Variants in SCN11A observed in about 807,000 individuals in gnomAD.
The protein encoded by SCN11A is sodium channel protein type 11 subunit alpha.
A neutral mutation model predicts 162.2 loss-of-function variants in SCN11A; 122 were observed. That is an observed-to-expected ratio of 0.75 (90% CI 0.65 to 0.87). The LOEUF is 0.87. Ranked by LOEUF, SCN11A falls within the 40% of genes least tolerant of loss-of-function variation. The probability of loss-of-function intolerance (pLI) is 0.00; values close to 1 mark genes in which losing one functional copy is unlikely to be tolerated. For missense variants in SCN11A, 2,015 were observed against 2,181.6 expected, an observed-to-expected ratio of 0.92 and a Z score of 1.52; for synonymous variants, 758 against 751.5, an observed-to-expected ratio of 1.01 and a Z score of -0.14.
At chr3:39,001,195 A>G (rs901410848) in intron 2 of SCN11A, among the ~76,000 whole-genome samples, 3 of 152,180 alleles carry the variant, frequency 2.0e-5, no homozygotes, top group African/African-American at 4.8e-5. Context: ...TATATTCACA[A>G]TATTGTGCAA....
chr3:38,846,050 C>G lies in SCN11A; in HGVS notation c.*644G>C, dbSNP rs1287894375. On this transcript the variant is annotated 3_prime_UTR_variant, in exon 30 of 30. Transcript: ENST00000302328. The stretch of plus-strand genomic sequence containing the variant: ...GTATCTAGAAACATAGAAAATACAA[C>G]TTAAAATTTTAATGTGTTTTTTGTT... 1 of 152,148 alleles carries G rather than the reference C, an allele frequency of 6.6e-6. No individual in the cohort carries two copies. Among genetic ancestry groups the G allele is most frequent in the Non-Finnish European group, 1.5e-5 (1 of 68,042 alleles). 9.4% of individuals were successfully genotyped at this position (152,148 alleles called of 1,614,324 possible).
intron 2 of SCN11A, among the ~76,000 whole-genome samples, chr3:38,969,508 A>G (rs1233625478): frequency 1.3e-5 from 2 of 152,152 alleles, no homozygotes; most frequent in Non-Finnish European, 2.9e-5. Flanking sequence ...TTGTAGTGAC[A>G]GGAAGAAACA....
intron 23 of SCN11A, among the ~76,000 whole-genome samples, chr3:38,879,507 G>C (rs980814760): frequency 5.3e-5 from 8 of 152,186 alleles, no homozygotes; most frequent in African/African-American, 1.7e-4. Flanking sequence ...TATTAAATGA[G>C]AGACTGTATG....
At chr3:38,976,354 T>A (rs2066850026) in intron 2 of SCN11A, among the ~76,000 whole-genome samples, 1 of 152,224 alleles carries the variant, frequency 6.6e-6, no homozygotes. Context: ...AAGACACTTT[T>A]GAATGCAGCA....
intron 28 of SCN11A, among the ~76,000 whole-genome samples, chr3:38,859,204 C>CA (rs1246550044): frequency 1.1e-4 from 17 of 150,548 alleles, no homozygotes; most frequent in Admixed American, 4.0e-4. Context: ...TAAACTGAAA[C>CA]AAAAAAAATA....
chr3:38,871,794 AG>A, intron 24 of SCN11A, 86 bp from the exon 25 acceptor site: 1 of 1,117,986 alleles, frequency 8.9e-7, no homozygotes. Context: ...CCTGATGTGC[AG>A]GGCTTGATCT....
intron 27 of SCN11A, among the ~76,000 whole-genome samples, chr3:38,863,872 G>T (rs898605120): frequency 8.5e-5 from 13 of 152,050 alleles, no homozygotes; most frequent in African/African-American, 2.7e-4. Context: ...AACTAGAACA[G>T]AATTCTTTTA....
At chr3:39,035,797 G>A (rs577440179) in intron 1 of SCN11A, among the ~76,000 whole-genome samples, 11 of 151,932 alleles carry the variant, frequency 7.2e-5, no homozygotes, top group African/African-American at 1.4e-4. Flanking sequence ...CCGCCACCAC[G>A]CCTGGCTAAT....
Position 39,051,915 on chromosome 3 carries a change from A to T in SCN11A, c.-458T>A. The stretch of plus-strand genomic sequence containing the variant: ...ACTAACAGCACCGAGGAAACACAAC[A>T]GCCTGTTTACCTTCAGCCCCGCCAC... On this transcript the variant is annotated 5_prime_UTR_variant, in exon 1 of 30. Coordinates refer to ENST00000302328, the MANE Select transcript of SCN11A (RefSeq NM_001349253.2). The T allele has an allele frequency of 7.4e-7, 1 of 1,348,082 alleles. No individual in the cohort carries two copies. The allele number at this position is 1,348,082 out of a possible 1,614,324, so 83.5% of individuals were successfully genotyped here. A position where few individuals can be genotyped will look rare whatever the true frequency, so the allele number is the denominator to read the frequency against.
At chr3:38,926,667 C>T (rs1160843275) in intron 8 of SCN11A, 136 bp downstream of exon 8, 1 of 895,364 alleles carries the variant, frequency 1.1e-6, no homozygotes, top group African/African-American at 1.7e-5. Context: ...CAGGGCCAAC[C>T]AACACAGCAC....
intron 7 of SCN11A, among the ~76,000 whole-genome samples, chr3:38,929,130 T>TGCGCGCGC (rs1442107589): frequency 2.1e-5 from 3 of 145,142 alleles, no homozygotes; most frequent in African/African-American, 7.8e-5. Flanking sequence ...ACTGGGTCTG[T>TGCGCGCGC]GCACGCACAC....
At chr3:38,946,716 T>A in intron 6 of SCN11A, 73 bp downstream of exon 6, 1 of 940,490 alleles carries the variant, frequency 1.1e-6, no homozygotes, top group South Asian at 1.5e-5. Context: ...TTCCATCCAA[T>A]AACATGAACA....
chr3:38,872,391 G>A (rs191997292), intron 23 of SCN11A, 97 bp from the exon 24 acceptor site: 74 of 704,016 alleles, frequency 1.1e-4, no homozygotes, highest in African/African-American at 9.8e-4. Flanking sequence ...GTCCATAAAC[G>A]TGGGAACAAT....
chr3:38,953,290 G>A (rs1053009235), intron 4 of SCN11A, among the ~76,000 whole-genome samples: 2 of 152,060 alleles, frequency 1.3e-5, no homozygotes, highest in African/African-American at 4.8e-5. Context: ...AAAGGATCAG[G>A]AAAAATAAGT....
chr3:38,937,607 A>G (rs1242670688), intron 7 of SCN11A, among the ~76,000 whole-genome samples: 52 of 147,090 alleles, frequency 3.5e-4, no homozygotes, highest in South Asian at 8.8e-4. Flanking sequence ...ATGCAGCCAA[A>G]AAACACATGA....
At chr3:39,020,874 A>T (rs1184210356) in intron 2 of SCN11A, among the ~76,000 whole-genome samples, 1 of 152,122 alleles carries the variant, frequency 6.6e-6, no homozygotes, top group Non-Finnish European at 1.5e-5. Flanking sequence ...TCAACTGGAG[A>T]ATGCATCAAA....
chr3:39,024,382 G>A (rs1039895662), intron 2 of SCN11A, among the ~76,000 whole-genome samples: 1 of 152,218 alleles, frequency 6.6e-6, no homozygotes. Flanking sequence ...CCTTTGGAAT[G>A]AGGTTAGGTC....
intron 2 of SCN11A, among the ~76,000 whole-genome samples, chr3:38,969,736 T>C (rs2066805115): frequency 6.6e-6 from 1 of 152,190 alleles, no homozygotes; most frequent in Non-Finnish European, 1.5e-5. Context: ...ACAATGTGCA[T>C]AAGAAAAGAG....
chr3:38,863,030 A>C (rs1399765763), intron 28 of SCN11A, among the ~76,000 whole-genome samples, 165 bp downstream of exon 28: 1 of 152,070 alleles, frequency 6.6e-6, no homozygotes, highest in East Asian at 1.9e-4. Flanking sequence ...CTTACTTTTG[A>C]GTTTGAGTAT....
Sources: allele counts gnomAD v4.1 joint callset (sites outside exome capture counted in the v4.1 genomes callset), GRCh38; gene constraint gnomAD v4.1.1; transcripts MANE v1.5; gene names NCBI Gene and HGNC (gene_info 2026-07-23, HGNC 2026-07-21).